The following OSTN variants were observed in gnomAD, a reference collection of about 807,000 sequenced individuals.
The protein encoded by OSTN is osteocrin.
OSTN carries 9 observed loss-of-function variants against 12.0 expected under a neutral mutation model. The ratio of observed to expected loss-of-function variants is 0.75; its 90% CI spans 0.45 to 1.30. OSTN has a LOEUF of 1.30. OSTN is among the 50% of genes most tolerant of loss of function. The pLI, the probability that OSTN is intolerant of heterozygous loss-of-function variation, is 0.00. For synonymous variants in OSTN, 59 were observed against 56.9 expected (o/e 1.04, Z -0.16); for missense variants, 148 against 152.3 (o/e 0.97, Z 0.15).
intron 2 of OSTN, among the ~76,000 whole-genome samples, chr3:191,217,941 A>G (rs537416394): frequency 3.9e-5 from 6 of 152,336 alleles, no homozygotes; most frequent in African/African-American, 1.2e-4. Context: ...TTGGGAATTC[A>G]TTTAATAAAT....
chr3:191,239,670 C>T (rs114419394), intron 3 of OSTN, among the ~76,000 whole-genome samples: 9 of 152,310 alleles, frequency 5.9e-5, no homozygotes, highest in Non-Finnish European at 1.0e-4. Flanking sequence ...CAAAAGTAAA[C>T]TTTCTGCTAA....
intron 4 of OSTN, among the ~76,000 whole-genome samples, chr3:191,253,131 A>G (rs1040692963): frequency 2.0e-5 from 3 of 152,212 alleles, no homozygotes; most frequent in Non-Finnish European, 2.9e-5. Flanking sequence ...TGCTAAATTC[A>G]TTGGTTATAC....
Position 191,263,192 on chromosome 3 carries a change from C to A in OSTN, c.*339C>A. 4.0e-6 allele frequency: 1 copy of A among 248,100 alleles called. No homozygotes were observed. The highest frequency in any genetic ancestry group is 7.6e-6 in the Non-Finnish European group (1 of 131,126). 15.4% of individuals were successfully genotyped at this position (248,100 alleles called of 1,614,324 possible). The stretch of plus-strand genomic sequence containing the variant: ...GATTTACCATGCACATGTTTGTAGT[C>A]AAAGAATAATAACAAAAGACAGATT... On this transcript the variant is annotated 3_prime_UTR_variant, in exon 5 of 5. Transcript: ENST00000682035.
At chr3:191,210,798 T>C (rs2108590070) in intron 1 of OSTN, among the ~76,000 whole-genome samples, 1 of 152,354 alleles carries the variant, frequency 6.6e-6, no homozygotes, top group South Asian at 2.1e-4. Flanking sequence ...TGCCATGTAC[T>C]AAGTGGCAAA....
intron 1 of OSTN, among the ~76,000 whole-genome samples, chr3:191,205,294 C>T (rs2108587943): frequency 6.6e-6 from 1 of 152,150 alleles, no homozygotes; most frequent in East Asian, 1.9e-4. Flanking sequence ...ACAGCTAAAC[C>T]TCTTATTCCT....
At chr3:191,202,973 T>A (rs190198326) in intron 1 of OSTN, among the ~76,000 whole-genome samples, 10 of 152,278 alleles carry the variant, frequency 6.6e-5, no homozygotes, top group Admixed American at 6.5e-4. Context: ...AAAGGAGAAA[T>A]CCTAAAGTTT....
chr3:191,263,857 A>G lies in OSTN; in HGVS notation c.*1004A>G, dbSNP rs1006815780. ...GACTTATTAAAACATAAGTTTTCGT[A>G]TTGTAGAAAACTCAGTTCTCAGTAA... On this transcript the variant is annotated 3_prime_UTR_variant, in exon 5 of 5. Transcript: ENST00000682035. 6.6e-6 allele frequency: 1 copy of G among 152,116 alleles called. No individual in the cohort carries two copies. The highest frequency in any genetic ancestry group is 6.6e-5 in the Admixed American group (1 of 15,260). 9.4% of individuals were successfully genotyped at this position (152,116 alleles called of 1,614,324 possible).
At chr3:191,222,818 C>A (rs1413301643) in intron 3 of OSTN, among the ~76,000 whole-genome samples, 1 of 152,068 alleles carries the variant, frequency 6.6e-6, no homozygotes. Context: ...GGGGTGGCTA[C>A]CCCCATGCTG....
At chr3:191,201,113 T>TTTA (rs1560110820) in intron 1 of OSTN, among the ~76,000 whole-genome samples, 1 of 152,104 alleles carries the variant, frequency 6.6e-6, no homozygotes, top group African/African-American at 2.4e-5. Context: ...TTATTTATTT[T>TTTA]TTTTAGCTAG....
At chr3:191,255,435 A>C (rs894344264) in intron 4 of OSTN, among the ~76,000 whole-genome samples, 6 of 152,220 alleles carry the variant, frequency 3.9e-5, no homozygotes, top group Non-Finnish European at 8.8e-5. Context: ...TGGCTCTATA[A>C]AGTCAAACTC....
intron 1 of OSTN, among the ~76,000 whole-genome samples, chr3:191,205,290 A>T (rs1298687239): frequency 6.6e-6 from 1 of 152,164 alleles, no homozygotes; most frequent in Non-Finnish European, 1.5e-5. Context: ...GAGCACAGCT[A>T]AACCTCTTAT....
intron 1 of OSTN, among the ~76,000 whole-genome samples, chr3:191,210,379 A>G (rs1288617138): frequency 2.6e-5 from 4 of 152,210 alleles, no homozygotes; most frequent in African/African-American, 7.2e-5. Flanking sequence ...AGCCACAGTA[A>G]CAATTTTTCA....
At chr3:191,244,785 A>T (rs1008742003) in intron 3 of OSTN, among the ~76,000 whole-genome samples, 4 of 150,832 alleles carry the variant, frequency 2.7e-5, no homozygotes, top group African/African-American at 4.8e-5. Flanking sequence ...TAAAAATTTT[A>T]AAATGAATTG....
chr3:191,203,918 G>A (rs1162201045), intron 1 of OSTN, among the ~76,000 whole-genome samples: 4 of 151,988 alleles, frequency 2.6e-5, no homozygotes, highest in Non-Finnish European at 5.9e-5. Flanking sequence ...ATGGAGTTTC[G>A]CTCTTGTTGG....
At chr3:191,228,269 C>T (rs1714964323) in intron 3 of OSTN, among the ~76,000 whole-genome samples, 1 of 152,120 alleles carries the variant, frequency 6.6e-6, no homozygotes, top group African/African-American at 2.4e-5. Flanking sequence ...CCAACTCTGC[C>T]TGGGGGAACA....
At chr3:191,254,835 A>T (rs1293671466) in intron 4 of OSTN, among the ~76,000 whole-genome samples, 1 of 152,204 alleles carries the variant, frequency 6.6e-6, no homozygotes, top group African/African-American at 2.4e-5. Context: ...GACTTTCCTT[A>T]TAAGGAATCT....
At chr3:191,255,669 AG>A (rs1467792465) in intron 4 of OSTN, among the ~76,000 whole-genome samples, 4 of 152,320 alleles carry the variant, frequency 2.6e-5, no homozygotes, top group Admixed American at 1.3e-4. Context: ...TGTTCACAAA[AG>A]TATGCTTTAT....
In OSTN at chr3:191,264,570, A is replaced by G. The variant is rs2108560257; in HGVS notation, c.*1717A>G. Reference sequence around the variant, plus strand: ...TTTTTTTCATAAACTTGTGTTAGAAAGCTAGCAATAGCACATAGGGAAGTA... The same window carrying G: ...TTTTTTTCATAAACTTGTGTTAGAAGGCTAGCAATAGCACATAGGGAAGTA... On this transcript the variant is annotated 3_prime_UTR_variant, in exon 5 of 5. Coordinates refer to ENST00000682035, the MANE Select transcript of OSTN (RefSeq NM_198184.2). 1 of 152,286 alleles carries G rather than the reference A, an allele frequency of 6.6e-6. No homozygotes were observed. Among genetic ancestry groups the G allele is most frequent in the Middle Eastern group, 3.4e-3 (1 of 294 alleles). 9.4% of individuals were successfully genotyped at this position (152,286 alleles called of 1,614,324 possible). A position where few individuals can be genotyped will look rare whatever the true frequency, so the allele number is the denominator to read the frequency against.
chr3:191,243,099 C>T (rs9856820), intron 3 of OSTN, among the ~76,000 whole-genome samples: 1 of 151,896 alleles, frequency 6.6e-6, no homozygotes, highest in Non-Finnish European at 1.5e-5. Flanking sequence ...ATTAAAACCA[C>T]AGTGGGATAT....
Sources: gnomAD v4.1 joint callset for allele counts (sites outside exome capture counted in the v4.1 genomes callset) on GRCh38, gnomAD v4.1.1 for gene constraint, MANE v1.5 for transcripts, NCBI Gene and HGNC (gene_info 2026-07-23, HGNC 2026-07-21) for gene names.